Variants in IFT81 observed in about 807,000 individuals in gnomAD.
The protein encoded by IFT81 is intraflagellar transport protein 81 homolog.
In IFT81, 72 loss-of-function variants were observed where a neutral mutation model predicts 102.6. The observed-to-expected ratio is 0.70, with a 90% CI of 0.58 to 0.85. The LOEUF (loss-of-function observed/expected upper bound fraction) is 0.85, where lower values mean the gene tolerates loss of function less well. Among genes scored for constraint, IFT81 ranks in the 40% least tolerant of loss-of-function variants. IFT81 has a pLI of 0.00. For synonymous variants in IFT81, 237 were observed against 242.7 expected, an observed-to-expected ratio of 0.98 and a Z score of 0.22; for missense variants, 723 against 787.3, an observed-to-expected ratio of 0.92 and a Z score of 0.98.
At chr12:110,157,957 C>G (rs903219287) in intron 10 of IFT81, among the ~76,000 whole-genome samples, 1 of 152,088 alleles carries the variant, frequency 6.6e-6, no homozygotes, top group Non-Finnish European at 1.5e-5. Flanking sequence ...TTCATGAGTT[C>G]TTTGAGCATC....
At chr12:110,209,888 C>T (rs1869186659) in intron 18 of IFT81, among the ~76,000 whole-genome samples, 1 of 151,590 alleles carries the variant, frequency 6.6e-6, no homozygotes, top group Non-Finnish European at 1.5e-5. Context: ...GCTTTACAAA[C>T]ATTGATTTAT....
rs1175095953 is a variant in IFT81, at chr12:110,188,345, TA to T, written c.1339-2564del. The stretch of plus-strand genomic sequence containing the variant: ...AGACTCCGTCTCAAAAAAAAAAAAT[TA>T]AAAAAAAAAATAACCCATCTGCTGA... On this transcript the variant is annotated intron_variant, in intron 12 of 18. Transcript: ENST00000242591. Among the ~76,000 whole-genome samples, 1,262 of 144,860 alleles carry T rather than the reference TA, an allele frequency of 8.7e-3. 21 individuals are homozygous for T. The highest frequency in any genetic ancestry group is 0.03 in the African/African-American group (1,168 of 39,536).
intron 18 of IFT81, among the ~76,000 whole-genome samples, chr12:110,214,590 C>T (rs1293459239): frequency 6.6e-6 from 1 of 152,094 alleles, no homozygotes; most frequent in African/African-American, 2.4e-5. Flanking sequence ...AATTTTTGTA[C>T]ATTGCAACTG....
intron 10 of IFT81, 116 bp downstream of exon 10, chr12:110,147,164 C>A: frequency 1.4e-6 from 1 of 701,714 alleles, no homozygotes; most frequent in Non-Finnish European, 2.2e-6. Flanking sequence ...GTTGTTCTGT[C>A]ACTGCTAATC....
intron 11 of IFT81, 127 bp downstream of exon 11, chr12:110,163,192 A>G (rs770812780): frequency 3.3e-5 from 23 of 691,468 alleles, no homozygotes; most frequent in Non-Finnish European, 5.1e-5. Flanking sequence ...AAACATATTT[A>G]AAACTGAAGA....
chr12:110,163,614 CTTT>C (rs895090240), intron 11 of IFT81, among the ~76,000 whole-genome samples: 2 of 126,106 alleles, frequency 1.6e-5, no homozygotes. Flanking sequence ...CAAATTTTCA[CTTT>C]TTTTTTTTTT....
intron 8 of IFT81, among the ~76,000 whole-genome samples, chr12:110,140,106 T>A (rs115346981): frequency 0.017 from 2,631 of 150,626 alleles, 80 homozygotes; most frequent in African/African-American, 0.06. Context: ...TGTATTAAAT[T>A]TTTTTTTTTA....
intron 5 of IFT81, 136 bp downstream of exon 5, chr12:110,132,772 G>T (rs551347715): frequency 3.9e-6 from 2 of 512,584 alleles, no homozygotes; most frequent in Admixed American, 7.8e-5. Context: ...CTTTGTGGGG[G>T]GACCTTTGGT....
At position 110,218,320 on chromosome 12, in the gene IFT81, A is replaced by G. The variant is rs753989617; in HGVS notation, c.*94A>G. 75 of 943,500 alleles carry G rather than the reference A, an allele frequency of 7.9e-5. No homozygotes were observed. The highest frequency in any genetic ancestry group is 1.1e-4 in the Non-Finnish European group (73 of 668,292). The allele number at this position is 943,500 out of a possible 1,614,324, so 58.4% of individuals were successfully genotyped here. A position where few individuals can be genotyped will look rare whatever the true frequency, so the allele number is the denominator to read the frequency against. On this transcript the variant is annotated 3_prime_UTR_variant, in exon 19 of 19. Transcript: ENST00000242591. ...CTTTTTTGAAACTGATTTGTATAGC[A>G]TTTTGTTTTCAGAAGAGCCATTCTT...
intron 8 of IFT81, among the ~76,000 whole-genome samples, chr12:110,139,395 T>C (rs1165857805): frequency 6.7e-6 from 1 of 149,464 alleles, no homozygotes; most frequent in Non-Finnish European, 1.5e-5. Context: ...ATGTATTTGG[T>C]ATGGTTCAGC....
Position 110,146,933 on chromosome 12 carries a change from TTGC to T in IFT81, c.946-18_946-16del. 1 of 1,585,246 alleles carries T rather than the reference TTGC, an allele frequency of 6.3e-7. No individual in the cohort carries two copies. The highest frequency in any genetic ancestry group is 1.8e-5 in the Admixed American group (1 of 54,232). On this transcript the variant is annotated splice_polypyrimidine_tract_variant and intron_variant, in intron 9 of 18. Transcript: ENST00000242591. ...TAGGGAAAGTTTTAACTTTTTTTTT[TTGC>T]TTTCATGCTATTTTAGATAAATGAA...
chr12:110,195,441 T>C (rs1897959419), intron 14 of IFT81, among the ~76,000 whole-genome samples: 1 of 152,178 alleles, frequency 6.6e-6, no homozygotes, highest in South Asian at 2.1e-4. Context: ...AATACACTTA[T>C]AGTATGACTT....
chr12:110,125,062 CGTT>C (rs1401911168), intron 1 of IFT81, among the ~76,000 whole-genome samples: 3 of 152,048 alleles, frequency 2.0e-5, no homozygotes, highest in Non-Finnish European at 4.4e-5. Flanking sequence ...TTCCTGGAAA[CGTT>C]GTACTAGTTT....
At chr12:110,184,356 A>G (rs184074866) in intron 12 of IFT81, among the ~76,000 whole-genome samples, 2 of 152,292 alleles carry the variant, frequency 1.3e-5, no homozygotes, top group Admixed American at 6.5e-5. Flanking sequence ...TCTCAAAAAA[A>G]ATAAATAAAT....
intron 8 of IFT81, among the ~76,000 whole-genome samples, chr12:110,139,159 A>G (rs1182796890): frequency 1.3e-5 from 2 of 150,786 alleles, no homozygotes; most frequent in East Asian, 3.9e-4. Flanking sequence ...AACATGGCAA[A>G]ACCCTGTCTC....
chr12:110,211,189 T>C (rs1296762286), intron 18 of IFT81, among the ~76,000 whole-genome samples: 1 of 145,078 alleles, frequency 6.9e-6, no homozygotes, highest in African/African-American at 2.7e-5. Context: ...TTTTTTTTTT[T>C]TTTTTTTGGC....
chr12:110,153,212 GA>G (rs1257158056), intron 10 of IFT81, among the ~76,000 whole-genome samples: 1 of 152,176 alleles, frequency 6.6e-6, no homozygotes, highest in African/African-American at 2.4e-5. Flanking sequence ...AAAAGTTTGA[GA>G]AGGATTTGAT....
intron 11 of IFT81, among the ~76,000 whole-genome samples, chr12:110,179,703 AG>A (rs1304760564): frequency 7.2e-6 from 1 of 138,600 alleles, no homozygotes; most frequent in African/African-American, 2.6e-5. Flanking sequence ...CCTGGGCAAC[AG>A]AGCAAACCCT....
chr12:110,206,014 C>T (rs1868575601), intron 17 of IFT81, among the ~76,000 whole-genome samples: 1 of 152,150 alleles, frequency 6.6e-6, no homozygotes, highest in Admixed American at 6.6e-5. Context: ...TTTTCATCAT[C>T]CCAAACAAAA....
Sources: allele counts gnomAD v4.1 joint callset (sites outside exome capture counted in the v4.1 genomes callset), GRCh38; gene constraint gnomAD v4.1.1; transcripts MANE v1.5; gene names NCBI Gene and HGNC (gene_info 2026-07-23, HGNC 2026-07-21).